The following KCNQ3 variants were observed in gnomAD, a reference collection of about 807,000 sequenced individuals.
The protein encoded by KCNQ3 is potassium voltage-gated channel subfamily Q member 3.
A neutral mutation model predicts 92.5 loss-of-function variants in KCNQ3; 30 were observed. The observed-to-expected ratio is 0.32, with a 90% CI of 0.24 to 0.44. The LOEUF (loss-of-function observed/expected upper bound fraction) is 0.44, where lower values mean the gene tolerates loss of function less well. Ranked by LOEUF, KCNQ3 falls within the 20% of genes least tolerant of loss-of-function variation. The pLI is 1.00. For synonymous variants in KCNQ3, 450 were observed against 468.8 expected (o/e 0.96, Z 0.52); for missense variants, 913 against 1,140.3 (o/e 0.80, Z 2.87).
chr8:132,453,523 C>T (rs957015017), intron 1 of KCNQ3, among the ~76,000 whole-genome samples: 1 of 152,064 alleles, frequency 6.6e-6, no homozygotes, highest in Non-Finnish European at 1.5e-5. Context: ...GGCCTAAAAC[C>T]GAGGGGCCTG....
At chr8:132,254,056 A>G (rs1035206324) in intron 1 of KCNQ3, among the ~76,000 whole-genome samples, 13 of 152,224 alleles carry the variant, frequency 8.5e-5, no homozygotes, top group African/African-American at 2.9e-4. Context: ...GGACTCTGCT[A>G]CTAAGTGTGA....
intron 8 of KCNQ3, among the ~76,000 whole-genome samples, chr8:132,164,902 C>T (rs1826097567): frequency 1.3e-5 from 2 of 152,120 alleles, no homozygotes; most frequent in Non-Finnish European, 2.9e-5. Context: ...CTGAGATCTA[C>T]CCATGGTCTC....
At chr8:132,368,076 G>A (rs1470686219) in intron 1 of KCNQ3, among the ~76,000 whole-genome samples, 3 of 152,126 alleles carry the variant, frequency 2.0e-5, no homozygotes, top group Non-Finnish European at 4.4e-5. Context: ...GGAGATATGT[G>A]AGAACTAAGT....
At chr8:132,470,128 G>A (rs1822264594) in intron 1 of KCNQ3, among the ~76,000 whole-genome samples, 1 of 151,962 alleles carries the variant, frequency 6.6e-6, no homozygotes, top group African/African-American at 2.4e-5. Flanking sequence ...TCAACAGCCT[G>A]GCACAAGGTT....
chr8:132,154,193 G>GTTTTTTTTTTTTTTTTTTTTTTTTTTTT (rs869112851), intron 9 of KCNQ3, among the ~76,000 whole-genome samples: 4 of 27,448 alleles, frequency 1.5e-4, no homozygotes, highest in South Asian at 1.3e-3. Flanking sequence ...AAGGGTAAAA[G>GTTTTTTTTTTTTTTTTTTTTTTTTTTTT]TTTTTTTTTT....
intron 1 of KCNQ3, among the ~76,000 whole-genome samples, chr8:132,455,692 CACTA>C (rs1222896474): frequency 2.0e-5 from 3 of 152,218 alleles, no homozygotes; most frequent in East Asian, 3.9e-4. Context: ...GTTCCATCTG[CACTA>C]ACTAACTCAT....
chr8:132,213,530 C>T (rs1813930911), intron 1 of KCNQ3, among the ~76,000 whole-genome samples: 1 of 152,186 alleles, frequency 6.6e-6, no homozygotes, highest in Non-Finnish European at 1.5e-5. Context: ...GGTCAGGACC[C>T]AAGACCCAAT....
chr8:132,308,608 G>GTTTGTT (rs1354531478), intron 1 of KCNQ3, among the ~76,000 whole-genome samples: 1 of 152,124 alleles, frequency 6.6e-6, no homozygotes, highest in Non-Finnish European at 1.5e-5. Context: ...GGCTGCATGC[G>GTTTGTT]TTTGTTTTTC....
chr8:132,379,586 G>A (rs1005862245), intron 1 of KCNQ3, among the ~76,000 whole-genome samples: 8 of 152,176 alleles, frequency 5.3e-5, no homozygotes, highest in African/African-American at 7.2e-5. Context: ...TTGGCCCTAC[G>A]TGTTTGGCAT....
At chr8:132,136,232 T>C (rs1825087010) in intron 12 of KCNQ3, among the ~76,000 whole-genome samples, 1 of 151,768 alleles carries the variant, frequency 6.6e-6, no homozygotes, top group South Asian at 2.1e-4. Flanking sequence ...GATGTTCCTG[T>C]TCTCTAGCAG....
rs371546914 is a variant in KCNQ3 at position 132,466,345 on chromosome 8, C to G, written c.386+13802G>C. 5.3e-4 allele frequency among the ~76,000 whole-genome samples: 80 copies of G among 152,062 alleles called. 2 individuals carry two copies. Among genetic ancestry groups the G allele is most frequent in the Admixed American group, 1.6e-3 (24 of 15,276 alleles). On this transcript the variant is annotated intron_variant, in intron 1 of 14. Transcript: ENST00000388996. ...GCTTTAAGTCACAGTATTTTCTTTA[C>G]TTACGAACCAGAGGACGACTACCAG...
At chr8:132,424,362 T>C (rs1434264098) in intron 1 of KCNQ3, among the ~76,000 whole-genome samples, 1 of 151,276 alleles carries the variant, frequency 6.6e-6, no homozygotes, top group Non-Finnish European at 1.5e-5. Flanking sequence ...CTCCAAAAAC[T>C]CTAACCTCTA....
In KCNQ3 at chr8:132,207,564, C is replaced by T. The variant is rs185468687; in HGVS notation, c.387-21383G>A. 4.7e-4 allele frequency among the ~76,000 whole-genome samples: 71 copies of T among 152,296 alleles called. 1 individual carries two copies. Among genetic ancestry groups the T allele is most frequent in the Middle Eastern group, 6.8e-3 (2 of 294 alleles). On this transcript the variant is annotated intron_variant, in intron 1 of 14. Transcript: ENST00000388996. Reference sequence around the variant, plus strand: ...CAGACTCCAGCCTTTTCAACCACTTCCAGGCTGAAGGCAGTGGGGAAATTA... The same window carrying T: ...CAGACTCCAGCCTTTTCAACCACTTTCAGGCTGAAGGCAGTGGGGAAATTA...
At chr8:132,364,041 C>G (rs190776323) in intron 1 of KCNQ3, among the ~76,000 whole-genome samples, 1 of 152,008 alleles carries the variant, frequency 6.6e-6, no homozygotes, top group African/African-American at 2.4e-5. Context: ...TCATTTGTGA[C>G]CCTGATATTT....
At chr8:132,174,151 G>T in intron 6 of KCNQ3, 88 bp downstream of exon 6, 1 of 915,572 alleles carries the variant, frequency 1.1e-6, no homozygotes, top group South Asian at 1.4e-5. Context: ...TAAGAGGATA[G>T]AAGATGACAC....
chr8:132,189,334 C>T (rs922772075), intron 1 of KCNQ3, among the ~76,000 whole-genome samples: 4 of 152,228 alleles, frequency 2.6e-5, no homozygotes, highest in Admixed American at 6.5e-5. Flanking sequence ...TCTACTCCAG[C>T]ATGGACAACA....
At chr8:132,468,279 C>G (rs1433193738) in intron 1 of KCNQ3, among the ~76,000 whole-genome samples, 1 of 152,124 alleles carries the variant, frequency 6.6e-6, no homozygotes, top group Non-Finnish European at 1.5e-5. Context: ...GATGAATAGT[C>G]CAATTGGGCT....
At chr8:132,184,870 A>C (rs1430739360) in intron 2 of KCNQ3, among the ~76,000 whole-genome samples, 1 of 152,208 alleles carries the variant, frequency 6.6e-6, no homozygotes, top group Non-Finnish European at 1.5e-5. Context: ...ACATTTTGAG[A>C]AACCAAGGCA....
chr8:132,461,305 T>C (rs1313110907), intron 1 of KCNQ3, among the ~76,000 whole-genome samples: 2 of 152,202 alleles, frequency 1.3e-5, no homozygotes, highest in African/African-American at 4.8e-5. Flanking sequence ...GGCTCACACC[T>C]GTAATCCCAG....
Sources: gnomAD v4.1 joint callset for allele counts (sites outside exome capture counted in the v4.1 genomes callset) on GRCh38, gnomAD v4.1.1 for gene constraint, MANE v1.5 for transcripts, NCBI Gene and HGNC (gene_info 2026-07-23, HGNC 2026-07-21) for gene names.